Variants in IL17D observed in about 807,000 individuals in gnomAD.
The protein encoded by IL17D is interleukin 17D.
Under a neutral mutation model 5.7 loss-of-function variants are expected in IL17D, and 10 were observed. The ratio of observed to expected loss-of-function variants is 1.75; its 90% confidence interval spans 1.08 to 2.97. IL17D has a LOEUF of 2.97. Ranked by LOEUF, IL17D falls within the 30% of genes most tolerant of loss-of-function variation. IL17D has a pLI of 0.00. For missense variants in IL17D, 354 were observed against 292.7 expected (o/e 1.21, Z -1.53); for synonymous variants, 172 against 141.7 (o/e 1.21, Z -1.52).
At chr13:20,709,744 C>T (rs1247354894) in intron 1 of IL17D, among the ~76,000 whole-genome samples, 1 of 152,084 alleles carries the variant, frequency 6.6e-6, no homozygotes, top group Non-Finnish European at 1.5e-5. Context: ...ATTTCAAAGA[C>T]ATGTTAGTTT....
At position 20,704,121 on chromosome 13, in the gene IL17D, G is replaced by A; in HGVS notation, c.120G>A (p.Glu40=). 7.6e-7 allele frequency: 1 copy of A among 1,314,556 alleles called. No individual in the cohort carries two copies. The highest frequency in any genetic ancestry group is 9.8e-7 in the Non-Finnish European group (1 of 1,020,894). The allele number at this position is 1,314,556 out of a possible 1,614,324, so 81.4% of individuals were successfully genotyped here. The change falls in exon 1 of 2, where the codon GAG becomes GAA. Residue 40 remains glutamate, a synonymous_variant. Transcript: ENST00000682841. ...GCADRPEELL[E]QLYGRLAAGV... is the part of the protein sequence containing the mutation. ...CGGACCGGCCGGAGGAGCTACTGGA[G>A]CAGCTGTACGGGCGCCTGGCGGCCG...
Position 20,703,740 on chromosome 13 carries a change from GGGCGGCGGC to G in IL17D, c.-253_-245del, listed in dbSNP as rs1187209601. The G allele has an allele frequency of 6.8e-6, 1 of 146,318 alleles. No individual in the cohort carries two copies. Among genetic ancestry groups the G allele is most frequent in the African/African-American group, 2.5e-5 (1 of 40,730 alleles). 9.1% of individuals were successfully genotyped at this position (146,318 alleles called of 1,614,324 possible). On this transcript the variant is annotated 5_prime_UTR_variant, in exon 1 of 2. Coordinates refer to ENST00000682841, the MANE Select transcript of IL17D (RefSeq NM_001385224.1). ...CGCCCCCCGTGCGGCCCCCGGCTCG[GGGCGGCGGC>G]GGCGGCGGGGGCCGGGGGCGCGCGG... is the stretch of plus-strand genomic sequence containing the variant.
intron 1 of IL17D, among the ~76,000 whole-genome samples, chr13:20,711,608 C>T (rs1416809031): frequency 6.6e-6 from 1 of 152,070 alleles, no homozygotes; most frequent in Non-Finnish European, 1.5e-5. Context: ...AAATAGACAC[C>T]CTAGGTCACC....
Position 20,721,917 on chromosome 13 carries a change from T to C in IL17D, c.572T>C (p.Leu191Pro). The change falls in exon 2 of 2, where the codon CTC becomes CCC. Residue 191 changes from leucine (L) to proline (P), a missense_variant. By Grantham distance (98) the Leu-to-Pro change is moderately conservative. Transcript: ENST00000682841. The stretch of plus-strand genomic sequence containing the variant: ...AGCATCGACAAACAGGGCGCCAAGC[T>C]CCTGCTGGGCCCCAACGACGCGCCC... The part of the protein sequence containing the change: ...NSSIDKQGAK[L>P]LLGPNDAPAG... 6.2e-7 allele frequency: 1 copy of C among 1,603,830 alleles called. No homozygotes were observed. Among genetic ancestry groups the C allele is most frequent in the Non-Finnish European group, 8.5e-7 (1 of 1,177,866 alleles).
chr13:20,721,909 C>A lies in IL17D; in HGVS notation c.564C>A (p.Gly188=), dbSNP rs761382601. Residue 188 remains glycine, a synonymous_variant, in exon 2 of 2, where the codon GGC becomes GGA. Coordinates refer to ENST00000682841, the MANE Select transcript of IL17D (RefSeq NM_001385224.1). The stretch of plus-strand genomic sequence containing the variant: ...TCAACTCCAGCATCGACAAACAGGG[C>A]GCCAAGCTCCTGCTGGGCCCCAACG... The part of the protein sequence containing the change: ...DSINSSIDKQ[G]AKLLLGPNDA... 2 of 1,606,108 alleles carry A rather than the reference C, an allele frequency of 1.2e-6. No homozygotes were observed. The highest frequency in any genetic ancestry group is 1.6e-4 in the Middle Eastern group (1 of 6,072).
intron 1 of IL17D, among the ~76,000 whole-genome samples, chr13:20,717,627 G>C (rs988290355): frequency 6.6e-6 from 1 of 152,138 alleles, no homozygotes; most frequent in African/African-American, 2.4e-5. Context: ...TCAAGCCCCC[G>C]CGCCCTGGGC....
chr13:20,709,575 A>G (rs1018030715), intron 1 of IL17D, among the ~76,000 whole-genome samples: 6 of 152,200 alleles, frequency 3.9e-5, no homozygotes, highest in Non-Finnish European at 8.8e-5. Flanking sequence ...CATATGACAC[A>G]TTCTGTGTTC....
intron 1 of IL17D, among the ~76,000 whole-genome samples, chr13:20,711,732 T>C (rs1331020951): frequency 6.6e-6 from 1 of 152,208 alleles, no homozygotes; most frequent in Non-Finnish European, 1.5e-5. Flanking sequence ...AGTACCAGAA[T>C]TTCAGCAGAT....
At position 20,709,499 on chromosome 13, in the gene IL17D, C is replaced by T. The variant is rs530808564; in HGVS notation, c.290+5208C>T. ...GGATCAATCACTCACCAATACAAAG[C>T]GGGGAAAGGGGTATATAGCATGCTG... is the stretch of plus-strand genomic sequence containing the variant. On this transcript the variant is annotated intron_variant, in intron 1 of 1. Transcript: ENST00000682841. Among the ~76,000 whole-genome samples, 10 of 152,126 alleles carry T rather than the reference C, an allele frequency of 6.6e-5. No homozygotes were observed. The South Asian group carries it at 1.2e-3, about 19-fold the overall frequency.
Position 20,704,084 on chromosome 13 carries a change from CGCGGGGCT to C in IL17D, c.87_94del (p.Cys31ProfsTer31). On this transcript the variant is annotated frameshift_variant, in exon 1 of 2. Coordinates refer to ENST00000682841, the MANE Select transcript of IL17D (RefSeq NM_001385224.1). LOFTEE classifies it high-confidence loss of function. ...AGGGCGGGCAGGCGCCCCGCGCGGCCGCGGGGCTGCGCGGACCGGCCGGAGGAGCTACT... is the reference window on the plus strand; with the variant it reads ...AGGGCGGGCAGGCGCCCCGCGCGGCCGCGCGGACCGGCCGGAGGAGCTACT... 8.7e-7 allele frequency: 1 copy of C among 1,150,210 alleles called. No individual in the cohort carries two copies. The highest frequency in any genetic ancestry group is 1.1e-6 in the Non-Finnish European group (1 of 937,912). 71.3% of individuals were successfully genotyped at this position (1,150,210 alleles called of 1,614,324 possible).
Position 20,723,063 on chromosome 13 carries a change from T to G in IL17D, c.*1109T>G, listed in dbSNP as rs1247991522. On this transcript the variant is annotated 3_prime_UTR_variant, in exon 2 of 2. Coordinates refer to ENST00000682841, the MANE Select transcript of IL17D (RefSeq NM_001385224.1). ...ACAATTATTTGTAAAAGTTAGTAGT[T>G]CTTTTTTAAATCATTAAAAGAGGCT... The G allele has an allele frequency of 6.6e-6, 1 of 152,222 alleles. No individual in the cohort carries two copies. The highest frequency in any genetic ancestry group is 1.5e-5 in the Non-Finnish European group (1 of 68,050). 9.4% of individuals were successfully genotyped at this position (152,222 alleles called of 1,614,324 possible). A position where few individuals can be genotyped will look rare whatever the true frequency, so the allele number is the denominator to read the frequency against.
chr13:20,708,884 C>T (rs563557263), intron 1 of IL17D, among the ~76,000 whole-genome samples: 3 of 141,288 alleles, frequency 2.1e-5, no homozygotes, highest in Admixed American at 7.3e-5. Flanking sequence ...GTGGTGGGCA[C>T]CAGGAGGCAG....
intron 1 of IL17D, among the ~76,000 whole-genome samples, chr13:20,721,197 G>A (rs2058730925): frequency 6.6e-6 from 1 of 152,050 alleles, no homozygotes; most frequent in Admixed American, 6.6e-5. Context: ...CTCTAGACCT[G>A]CCCCAAGCCT....
chr13:20,704,046 CGCGGGCGCCCCGAGGGCGG>C lies in IL17D; in HGVS notation c.48_66del (p.Ala21GlyfsTer94), dbSNP rs1414476722. The C allele has an allele frequency of 2.8e-6, 3 of 1,054,340 alleles. No individual in the cohort carries two copies. The highest frequency in any genetic ancestry group is 3.5e-5 in the African/African-American group (2 of 57,892). The allele number at this position is 1,054,340 out of a possible 1,614,324, so 65.3% of individuals were successfully genotyped here. A position where few individuals can be genotyped will look rare whatever the true frequency, so the allele number is the denominator to read the frequency against. The stretch of plus-strand genomic sequence containing the variant: ...TGCTGGCGCTGCCGCCGAGCTGGGC[CGCGGGCGCCCCGAGGGCGG>C]GCAGGCGCCCCGCGCGGCCGCGGGG... On this transcript the variant is annotated frameshift_variant, in exon 1 of 2. Coordinates refer to ENST00000682841, the MANE Select transcript of IL17D (RefSeq NM_001385224.1). LOFTEE classifies it high-confidence loss of function.
chr13:20,704,034 G>C lies in IL17D; in HGVS notation c.33G>C (p.Pro11=), dbSNP rs2058566072. MLVAGFLLAL[P]PSWAAGAPRA... ...TAGCCGGCTTCCTGCTGGCGCTGCCGCCGAGCTGGGCCGCGGGCGCCCCGA... is the reference window on the plus strand; with the variant it reads ...TAGCCGGCTTCCTGCTGGCGCTGCCCCCGAGCTGGGCCGCGGGCGCCCCGA... Residue 11 remains proline, a synonymous_variant, in exon 1 of 2, where the codon CCG becomes CCC. Transcript: ENST00000682841. The C allele has an allele frequency of 9.6e-7, 1 of 1,037,548 alleles. No homozygotes were observed. Among genetic ancestry groups the C allele is most frequent in the African/African-American group, 1.7e-5 (1 of 57,722 alleles). 64.3% of individuals were successfully genotyped at this position (1,037,548 alleles called of 1,614,324 possible).
chr13:20,708,091 T>G (rs552095517), intron 1 of IL17D, among the ~76,000 whole-genome samples: 1 of 152,290 alleles, frequency 6.6e-6, no homozygotes, highest in African/African-American at 2.4e-5. Context: ...TTTTGTATTT[T>G]TAGTAGAGAC....
At chr13:20,710,628 TAAAAAAAAAAAAA>T (rs11445353) in intron 1 of IL17D, among the ~76,000 whole-genome samples, 1 of 55,266 alleles carries the variant, frequency 1.8e-5, no homozygotes, top group Non-Finnish European at 3.0e-5. Flanking sequence ...AAACTCTGTC[TAAAAAAAAAAAAA>T]AAAAAAAAAA....
At chr13:20,703,186 G>A (rs1195484447), upstream of IL17D, 5 of 732,264 alleles carry the variant, frequency 6.8e-6, no homozygotes, top group Admixed American at 6.3e-5. Flanking sequence ...GGCCCTGGGC[G>A]CCCCGCCGCA....
In IL17D at chr13:20,704,175, G is replaced by A; in HGVS notation, c.174G>A (p.Leu58=). ...AGVLSAFHHT[L]QLGPREQARN... ...TGCTCAGTGCCTTCCACCACACGCTGCAGCTGGGGCCGCGTGAGCAGGCGC... is the reference window on the plus strand; with the variant it reads ...TGCTCAGTGCCTTCCACCACACGCTACAGCTGGGGCCGCGTGAGCAGGCGC... The change falls in exon 1 of 2, where the codon CTG becomes CTA. Residue 58 remains leucine, a synonymous_variant. Transcript: ENST00000682841. 7.3e-7 allele frequency: 1 copy of A among 1,372,684 alleles called. No individual in the cohort carries two copies. Among genetic ancestry groups the A allele is most frequent in the Non-Finnish European group, 9.5e-7 (1 of 1,056,158 alleles). 85.0% of individuals were successfully genotyped at this position (1,372,684 alleles called of 1,614,324 possible).
Sources: gnomAD v4.1 joint callset for allele counts (sites outside exome capture counted in the v4.1 genomes callset) on GRCh38, gnomAD v4.1.1 for gene constraint, MANE v1.5 for transcripts, NCBI Gene and HGNC (gene_info 2026-07-23, HGNC 2026-07-21) for gene names.